Variants in RAPGEF5 observed in about 807,000 individuals in gnomAD.
The protein encoded by RAPGEF5 is M-Ras-regulated GEF.
A neutral mutation model predicts 125.2 loss-of-function variants in RAPGEF5; 65 were observed. The ratio of observed to expected loss-of-function variants is 0.52; its 90% confidence interval spans 0.43 to 0.64. RAPGEF5 has a LOEUF of 0.64. Among genes scored for constraint, RAPGEF5 ranks in the 30% least tolerant of loss-of-function variants. RAPGEF5 has a pLI of 0.00. For missense variants in RAPGEF5, 958 were observed against 1,048.1 expected (o/e 0.91, Z 1.19); for synonymous variants, 391 against 385.9 (o/e 1.01, Z -0.16).
chr7:22,318,476 A>G lies in RAPGEF5; in HGVS notation c.232-439T>C, dbSNP rs1783647541. Among the ~76,000 whole-genome samples, 4 of 152,076 alleles carry G rather than the reference A, an allele frequency of 2.6e-5. No homozygotes were observed. The South Asian group carries it at 8.3e-4, about 32-fold the overall frequency. On this transcript the variant is annotated intron_variant, in intron 1 of 25. Coordinates refer to ENST00000665637, the MANE Select transcript of RAPGEF5 (RefSeq NM_012294.5). Reference sequence around the variant, plus strand: ...TTAGGCCATCCTTCAAACCACAACTAAGCAAATCTCCCTAAATCACCCCTT... The same window carrying G: ...TTAGGCCATCCTTCAAACCACAACTGAGCAAATCTCCCTAAATCACCCCTT...
intron 8 of RAPGEF5, among the ~76,000 whole-genome samples, chr7:22,229,996 T>C (rs1047487117): frequency 3.3e-5 from 5 of 152,218 alleles, no homozygotes; most frequent in African/African-American, 1.2e-4. Context: ...TGTGTATCCT[T>C]TTGAGAAATA....
chr7:22,310,331 T>C (rs1783440486), intron 3 of RAPGEF5, among the ~76,000 whole-genome samples: 1 of 152,170 alleles, frequency 6.6e-6, no homozygotes, highest in Non-Finnish European at 1.5e-5. Context: ...ATTTAGTAAG[T>C]ATATATCTTT....
At position 22,193,905 on chromosome 7, in the gene RAPGEF5, A is replaced by C. The variant is rs1583470366; in HGVS notation, c.1115+10T>G. 1.9e-6 allele frequency: 3 copies of C among 1,613,212 alleles called. No individual in the cohort carries two copies. Among genetic ancestry groups the C allele is most frequent in the Non-Finnish European group, 2.5e-6 (3 of 1,179,510 alleles). On this transcript the variant is annotated intron_variant, in intron 10 of 25. Coordinates refer to ENST00000665637, the MANE Select transcript of RAPGEF5 (RefSeq NM_012294.5). The stretch of plus-strand genomic sequence containing the variant: ...AGCGCGTGCCTCTGTGGCTGCAGGG[A>C]AACTCTCACCTCCAATGGCTCTCCG...
At chr7:22,274,810 T>A (rs1012297823) in intron 6 of RAPGEF5, among the ~76,000 whole-genome samples, 9 of 152,172 alleles carry the variant, frequency 5.9e-5, no homozygotes, top group African/African-American at 2.2e-4. Flanking sequence ...CATTCTCTAC[T>A]CTGCAGTCAG....
Position 22,230,745 on chromosome 7 carries a change from A to C in RAPGEF5, c.870+101T>G, listed in dbSNP as rs114596617. The C allele has an allele frequency of 1.7e-3, 1,882 of 1,122,472 alleles. 21 individuals carry two copies. The African/African-American group carries it at 0.025, about 15-fold the overall frequency. 69.5% of individuals were successfully genotyped at this position (1,122,472 alleles called of 1,614,324 possible). ...TCCCAATAACATGGCTATTTACAAA[A>C]CATAAAAGGTAAAACCTATATCATT... is the stretch of plus-strand genomic sequence containing the variant. On this transcript the variant is annotated intron_variant, in intron 8 of 25. Coordinates refer to ENST00000665637, the MANE Select transcript of RAPGEF5 (RefSeq NM_012294.5).
intron 17 of RAPGEF5, among the ~76,000 whole-genome samples, chr7:22,154,239 T>C (rs934800221): frequency 6.6e-6 from 1 of 152,118 alleles, no homozygotes; most frequent in African/African-American, 2.4e-5. Flanking sequence ...CTGGCATGCC[T>C]CTCTATTCAG....
chr7:22,263,215 G>A (rs116878732), intron 7 of RAPGEF5, among the ~76,000 whole-genome samples: 4,246 of 152,280 alleles, frequency 0.028, 84 homozygotes, highest in Non-Finnish European at 0.043. Flanking sequence ...GGATCGCTGT[G>A]TTGATGAAAA....
intron 7 of RAPGEF5, among the ~76,000 whole-genome samples, chr7:22,263,512 C>T (rs186213209): frequency 6.6e-6 from 1 of 151,980 alleles, no homozygotes; most frequent in African/African-American, 2.4e-5. Context: ...GGTGGATCAC[C>T]TGAGGTCAAG....
chr7:22,158,010 A>G (rs192259334), intron 14 of RAPGEF5, 125 bp from the exon 15 acceptor site: 18 of 828,392 alleles, frequency 2.2e-5, no homozygotes, highest in Non-Finnish European at 3.3e-5. Context: ...AATAAAACAC[A>G]GTATTCATTA....
intron 7 of RAPGEF5, among the ~76,000 whole-genome samples, chr7:22,247,683 A>C (rs1786513252): frequency 6.6e-6 from 1 of 152,064 alleles, no homozygotes; most frequent in Non-Finnish European, 1.5e-5. Context: ...GTATTTCTTC[A>C]TAGCAGTATG....
chr7:22,157,015 T>C (rs1783832407), intron 15 of RAPGEF5, 127 bp from the exon 16 acceptor site: 1 of 1,428,550 alleles, frequency 7.0e-7, no homozygotes, highest in Non-Finnish European at 9.3e-7. Context: ...ACCCATCCAA[T>C]CTTAGAGAAA....
At position 22,356,966 on chromosome 7, in the gene RAPGEF5, A is replaced by T; in HGVS notation, c.95T>A (p.Leu32Gln). The T allele has an allele frequency of 9.7e-7, 1 of 1,033,032 alleles. No homozygotes were observed. Among genetic ancestry groups the T allele is most frequent in the African/African-American group, 1.7e-5 (1 of 57,648 alleles). The allele number at this position is 1,033,032 out of a possible 1,614,324, so 64.0% of individuals were successfully genotyped here. A position where few individuals can be genotyped will look rare whatever the true frequency, so the allele number is the denominator to read the frequency against. Residue 32 changes from leucine to glutamine, a missense_variant, in exon 1 of 26, where the codon CTG (leucine) becomes CAG (glutamine). By Grantham distance (113) the Leu-to-Gln change is moderately radical. Transcript: ENST00000665637. ...CTCCCGGGCGCTGGGGCTGCGGCGC[A>T]GGGGGCCGTCTGCCGCCACCACCGC... is the stretch of plus-strand genomic sequence containing the variant. ...AAAVVAADGP[L>Q]RRSPSAREPE...
intron 9 of RAPGEF5, among the ~76,000 whole-genome samples, chr7:22,197,902 G>GGC (rs1554327467): frequency 1.4e-5 from 2 of 143,326 alleles, no homozygotes; most frequent in African/African-American, 5.2e-5. Context: ...TTGGGGGGGG[G>GGC]TGGTAGGAGG....
intron 9 of RAPGEF5, among the ~76,000 whole-genome samples, chr7:22,202,088 G>C (rs1157166045): frequency 6.6e-6 from 1 of 152,194 alleles, no homozygotes; most frequent in Non-Finnish European, 1.5e-5. Flanking sequence ...CTAAGTCCGA[G>C]GGGTAGGCTT....
At chr7:22,190,744 G>A (rs1354098947) in intron 11 of RAPGEF5, among the ~76,000 whole-genome samples, 2 of 152,162 alleles carry the variant, frequency 1.3e-5, no homozygotes, top group East Asian at 3.8e-4. Context: ...GTGGGAAAGC[G>A]ATGAGAAATT....
At chr7:22,180,736 T>C (rs886863241) in intron 11 of RAPGEF5, among the ~76,000 whole-genome samples, 1 of 152,274 alleles carries the variant, frequency 6.6e-6, no homozygotes, top group Non-Finnish European at 1.5e-5. Flanking sequence ...ATTTTCTCAA[T>C]TATCAAAAGT....
chr7:22,189,453 C>T (rs928595845), intron 11 of RAPGEF5, among the ~76,000 whole-genome samples: 16 of 152,168 alleles, frequency 1.1e-4, no homozygotes, highest in African/African-American at 3.9e-4. Context: ...CACCACAGAG[C>T]AGGACTGGCT....
At chr7:22,321,823 T>C (rs1050399789) in intron 1 of RAPGEF5, among the ~76,000 whole-genome samples, 2 of 152,216 alleles carry the variant, frequency 1.3e-5, no homozygotes, top group Non-Finnish European at 2.9e-5. Flanking sequence ...AAAGCGATTA[T>C]ACAATAAAAT....
chr7:22,315,318 G>GT, intron 3 of RAPGEF5, 52 bp downstream of exon 3: 53 of 1,514,848 alleles, frequency 3.5e-5, no homozygotes, highest in East Asian at 2.1e-4. Flanking sequence ...ACACAGGGTG[G>GT]TTTTTTTTCC....
Sources: gnomAD v4.1 joint callset for allele counts (sites outside exome capture counted in the v4.1 genomes callset) on GRCh38, gnomAD v4.1.1 for gene constraint, MANE v1.5 for transcripts, NCBI Gene and HGNC (gene_info 2026-07-23, HGNC 2026-07-21) for gene names.